Variants in DIAPH2 observed in about 807,000 individuals in gnomAD.
DIAPH2 encodes protein diaphanous homolog 2.
DIAPH2 carries 35 observed loss-of-function variants against 92.7 expected under a neutral mutation model. The ratio of observed to expected loss-of-function variants is 0.38; its 90% CI spans 0.29 to 0.50. The LOEUF (loss-of-function observed/expected upper bound fraction) is 0.50, where lower values mean the gene tolerates loss of function less well. Ranked by LOEUF, DIAPH2 falls within the 20% of genes least tolerant of loss-of-function variation. The pLI, the probability that DIAPH2 is intolerant of heterozygous loss-of-function variation, is 0.94. For synonymous variants in DIAPH2, 301 were observed against 280.4 expected, an observed-to-expected ratio of 1.07 and a Z score of -0.73; for missense variants, 701 against 819.5, an observed-to-expected ratio of 0.86 and a Z score of 1.77.
intron 23 of DIAPH2, among the ~76,000 whole-genome samples, chrX:97,285,413 A>C (rs868752832): frequency 2.3e-3 from 234 of 102,189 alleles, no homozygotes; most frequent in Middle Eastern, 0.015. Flanking sequence ...AAAAAGATTC[A>C]GTTATGGTCA....
At chrX:97,381,904 G>C (rs2069553046) in intron 24 of DIAPH2, among the ~76,000 whole-genome samples, 1 of 111,642 alleles carries the variant, frequency 9.0e-6, no homozygotes, top group Admixed American at 9.5e-5. Context: ...CAAGTAACCA[G>C]CCGTTTTTTT....
intron 1 of DIAPH2, among the ~76,000 whole-genome samples, chrX:96,691,485 C>G (rs1202142025): frequency 8.9e-6 from 1 of 112,182 alleles, no homozygotes; most frequent in Admixed American, 9.5e-5. Flanking sequence ...TTAACTCATA[C>G]TGATTTAAAA....
chrX:96,827,968 C>T (rs1399595039), intron 4 of DIAPH2, among the ~76,000 whole-genome samples: 2 of 111,668 alleles, frequency 1.8e-5, no homozygotes, highest in African/African-American at 6.5e-5. Context: ...CGAGGTTTCA[C>T]TATGTTGACC....
At chrX:97,473,703 G>A (rs1224408169) in intron 26 of DIAPH2, among the ~76,000 whole-genome samples, 2 of 112,252 alleles carry the variant, frequency 1.8e-5, no homozygotes, top group East Asian at 2.8e-4. Flanking sequence ...GCTCACGCCT[G>A]TAATCCCAAC....
intron 1 of DIAPH2, among the ~76,000 whole-genome samples, chrX:96,709,220 ATCTG>A (rs1026489261): frequency 1.8e-5 from 2 of 112,234 alleles, no homozygotes; most frequent in Non-Finnish European, 3.8e-5. Context: ...TGCTTACCAA[ATCTG>A]TCTATCAGTC....
intron 26 of DIAPH2, among the ~76,000 whole-genome samples, chrX:97,459,796 T>C (rs1055979544): frequency 9.0e-6 from 1 of 110,751 alleles, no homozygotes; most frequent in Non-Finnish European, 1.9e-5. Flanking sequence ...AGAGGCAGCA[T>C]GATGGTTAAG....
At chrX:97,534,512 A>G (rs2071082370) in intron 26 of DIAPH2, among the ~76,000 whole-genome samples, 1 of 111,098 alleles carries the variant, frequency 9.0e-6, no homozygotes, top group African/African-American at 3.3e-5. Context: ...TCTGCAAATC[A>G]GTATTTTATA....
chrX:97,486,835 T>TAC (rs1363123502), intron 26 of DIAPH2, among the ~76,000 whole-genome samples: 3,717 of 112,108 alleles, frequency 0.033, 64 homozygotes, highest in Admixed American at 0.044. Flanking sequence ...TATTGTTAAC[T>TAC]ATAGGCACTA....
At chrX:97,332,281 T>C (rs143687972) in intron 23 of DIAPH2, among the ~76,000 whole-genome samples, 2,166 of 112,099 alleles carry the variant, frequency 0.019, 17 homozygotes, top group Non-Finnish European at 0.029. Flanking sequence ...TTGTATCTGC[T>C]GTGAGGGATG....
intron 4 of DIAPH2, among the ~76,000 whole-genome samples, chrX:96,831,879 G>A (rs1365215055): frequency 2.7e-5 from 3 of 111,190 alleles, no homozygotes; most frequent in East Asian, 2.8e-4. Context: ...ACCATATGGC[G>A]AAAGGAAGTA....
chrX:96,984,752 C>T (rs2066020398), intron 17 of DIAPH2, among the ~76,000 whole-genome samples: 1 of 111,350 alleles, frequency 9.0e-6, no homozygotes. Flanking sequence ...GGGCAATGGC[C>T]AACCAGAAAT....
At chrX:97,501,036 A>G (rs1227300577) in intron 26 of DIAPH2, among the ~76,000 whole-genome samples, 1 of 108,966 alleles carries the variant, frequency 9.2e-6, no homozygotes, top group African/African-American at 3.3e-5. Context: ...AAATGAATTT[A>G]GCAGACACTC....
At chrX:97,499,265 G>A in intron 26 of DIAPH2, among the ~76,000 whole-genome samples, 1 of 111,536 alleles carries the variant, frequency 9.0e-6, no homozygotes, top group Non-Finnish European at 1.9e-5. Context: ...CTGGATGTAG[G>A]GTCATTTTAT....
At chrX:96,872,411 A>G (rs1356741618) in intron 4 of DIAPH2, among the ~76,000 whole-genome samples, 1 of 110,052 alleles carries the variant, frequency 9.1e-6, no homozygotes, top group African/African-American at 3.3e-5. Context: ...AGTTCTATCC[A>G]CGTTGTTGCA....
intron 26 of DIAPH2, among the ~76,000 whole-genome samples, chrX:97,541,523 A>C (rs2071140195): frequency 8.9e-6 from 1 of 112,244 alleles, no homozygotes; most frequent in Admixed American, 9.4e-5. Flanking sequence ...GGGACAGATT[A>C]ATGAAGTACT....
chrX:96,887,702 T>C (rs1310358802), intron 5 of DIAPH2, among the ~76,000 whole-genome samples: 1 of 111,782 alleles, frequency 8.9e-6, no homozygotes, highest in Non-Finnish European at 1.9e-5. Flanking sequence ...TAAGTTCTTA[T>C]ATTTTTTCAA....
intron 23 of DIAPH2, among the ~76,000 whole-genome samples, chrX:97,260,348 A>G (rs922321405): frequency 2.0e-4 from 22 of 112,495 alleles, no homozygotes; most frequent in Admixed American, 1.8e-3. Context: ...GTGATAAGGA[A>G]GAGATTTATA....
intron 4 of DIAPH2, among the ~76,000 whole-genome samples, chrX:96,836,852 C>T (rs1397446176): frequency 2.1e-5 from 2 of 96,156 alleles, no homozygotes; most frequent in Non-Finnish European, 4.1e-5. Context: ...CTCAGCCTCC[C>T]GAGTAGCTGG....
At chrX:97,473,374 G>T (rs1006160848) in intron 26 of DIAPH2, among the ~76,000 whole-genome samples, 3 of 110,895 alleles carry the variant, frequency 2.7e-5, no homozygotes, top group African/African-American at 6.6e-5. Context: ...TTGCTGTGTC[G>T]CCCAGGCTGG....
Sources: allele counts gnomAD v4.1 joint callset (sites outside exome capture counted in the v4.1 genomes callset), GRCh38; gene constraint gnomAD v4.1.1; transcripts MANE v1.5; gene names NCBI Gene and HGNC (gene_info 2026-07-23, HGNC 2026-07-21).